ERC1: variants seen among roughly 807,000 people sequenced by gnomAD.
The protein encoded by ERC1 is ELKS/RAB6-interacting/CAST family member 1.
ERC1 carries 56 observed loss-of-function variants against 132.0 expected under a neutral mutation model. The ratio of observed to expected loss-of-function variants is 0.42; its 90% CI spans 0.34 to 0.53. The LOEUF (loss-of-function observed/expected upper bound fraction) is 0.53. ERC1 is among the 20% of genes least tolerant of loss of function. The pLI is 0.03. For missense variants in ERC1, 1,202 were observed against 1,349.9 expected, an observed-to-expected ratio of 0.89 and a Z score of 1.72; for synonymous variants, 478 against 476.1, an observed-to-expected ratio of 1.00 and a Z score of -0.05.
intron 2 of ERC1, among the ~76,000 whole-genome samples, chr12:1,082,402 C>T (rs1421698752): frequency 6.6e-6 from 1 of 151,514 alleles, no homozygotes; most frequent in Non-Finnish European, 1.5e-5. Context: ...GATCCGCCTG[C>T]CTCGGCCTCC....
intron 14 of ERC1, among the ~76,000 whole-genome samples, chr12:1,269,709 A>G (rs529738328): frequency 6.6e-6 from 1 of 152,228 alleles, no homozygotes; most frequent in Non-Finnish European, 1.5e-5. Flanking sequence ...CTGAAAGTGC[A>G]TGAACACTTT....
chr12:992,014 C>T (rs1959549451), intron 1 of ERC1, among the ~76,000 whole-genome samples: 1 of 152,020 alleles, frequency 6.6e-6, no homozygotes, highest in Admixed American at 6.6e-5. Context: ...AGAGAATCCC[C>T]TTACTTTGGC....
chr12:1,304,115 G>C (rs1039708287), intron 15 of ERC1, among the ~76,000 whole-genome samples: 1 of 152,104 alleles, frequency 6.6e-6, no homozygotes, highest in Admixed American at 6.5e-5. Flanking sequence ...AGTTGGGAGA[G>C]AGGTATTTGT....
intron 2 of ERC1, among the ~76,000 whole-genome samples, chr12:1,080,107 ATCT>A (rs1941968431): frequency 6.6e-6 from 1 of 152,242 alleles, no homozygotes; most frequent in South Asian, 2.1e-4. Context: ...TATGACCAAC[ATCT>A]TCTCTCCAAC....
chr12:1,178,727 G>A (rs1168940142), intron 8 of ERC1, among the ~76,000 whole-genome samples: 3 of 152,096 alleles, frequency 2.0e-5, no homozygotes, highest in African/African-American at 7.2e-5. Flanking sequence ...AGAGGAGATG[G>A]TGATTATATT....
chr12:1,286,252 C>G (rs528258197), intron 14 of ERC1, among the ~76,000 whole-genome samples: 1 of 146,366 alleles, frequency 6.8e-6, no homozygotes, highest in Non-Finnish European at 1.5e-5. Context: ...TGAGATCACT[C>G]CACTGCACTC....
chr12:1,066,742 CAGG>C (rs2154179130), intron 2 of ERC1, among the ~76,000 whole-genome samples: 1 of 148,958 alleles, frequency 6.7e-6, no homozygotes, highest in East Asian at 2.0e-4. Context: ...GAGGCTGAGG[CAGG>C]AGAATTGCTT....
At chr12:1,313,932 C>A (rs2081502702) in intron 15 of ERC1, among the ~76,000 whole-genome samples, 1 of 151,944 alleles carries the variant, frequency 6.6e-6, no homozygotes, top group East Asian at 1.9e-4. Flanking sequence ...TGCTGTGAGC[C>A]CAGATCACAC....
intron 11 of ERC1, among the ~76,000 whole-genome samples, chr12:1,183,932 G>A (rs749903445): frequency 8.6e-5 from 13 of 152,000 alleles, no homozygotes; most frequent in Admixed American, 5.9e-4. Context: ...TCAGGAGTTC[G>A]AGACCAGCTT....
chr12:1,468,667 G>A (rs1331105848), intron 18 of ERC1, among the ~76,000 whole-genome samples: 3 of 150,436 alleles, frequency 2.0e-5, no homozygotes, highest in Admixed American at 6.6e-5. Flanking sequence ...AGAAAAGAAA[G>A]GAAAGAAAGA....
At chr12:1,264,417 CT>C (rs1449771474) in intron 14 of ERC1, among the ~76,000 whole-genome samples, 1 of 152,174 alleles carries the variant, frequency 6.6e-6, no homozygotes, top group Non-Finnish European at 1.5e-5. Flanking sequence ...AATCCCAGCA[CT>C]TTGGGAGGCC....
chr12:1,259,134 T>TA lies in ERC1; in HGVS notation c.2488-3899dup, dbSNP rs2076986395. ...TTATATTATTTACACAAATAATACTTACATGTCTTAGAATAATAGTCACTT... is the reference window on the plus strand; with the variant it reads ...TTATATTATTTACACAAATAATACTTAACATGTCTTAGAATAATAGTCACTT... On this transcript the variant is annotated intron_variant, in intron 13 of 18. Coordinates refer to ENST00000360905, the MANE Select transcript of ERC1 (RefSeq NM_178040.4). 2.0e-5 allele frequency among the ~76,000 whole-genome samples: 3 copies of TA among 152,294 alleles called. No individual in the cohort carries two copies. In the South Asian group the frequency reaches 6.2e-4, roughly 32 times the overall value.
chr12:1,060,101 A>G (rs973199597), intron 2 of ERC1, among the ~76,000 whole-genome samples: 4 of 151,974 alleles, frequency 2.6e-5, no homozygotes, highest in African/African-American at 7.2e-5. Context: ...GGAGAGAAAA[A>G]GAGGTTTAAT....
intron 15 of ERC1, among the ~76,000 whole-genome samples, chr12:1,321,286 G>C (rs1432745913): frequency 6.6e-6 from 1 of 152,134 alleles, no homozygotes; most frequent in African/African-American, 2.4e-5. Context: ...ATGCAAAATT[G>C]TATGTGAAAT....
chr12:1,060,724 ATTT>A (rs35393938), intron 2 of ERC1, among the ~76,000 whole-genome samples: 21 of 109,112 alleles, frequency 1.9e-4, no homozygotes, highest in Admixed American at 2.9e-4. Flanking sequence ...AACGTGGGAA[ATTT>A]TTTTTTTTTT....
chr12:1,272,935 G>A (rs914680292), intron 14 of ERC1, among the ~76,000 whole-genome samples: 1 of 131,020 alleles, frequency 7.6e-6, no homozygotes, highest in Non-Finnish European at 1.6e-5. Context: ...GTGATAGAGT[G>A]AGACTCCGTC....
intron 15 of ERC1, among the ~76,000 whole-genome samples, chr12:1,309,445 G>T (rs1238223688): frequency 1.3e-5 from 2 of 152,154 alleles, no homozygotes; most frequent in Non-Finnish European, 2.9e-5. Context: ...TCTTAGTTTA[G>T]GAATAATTAT....
chr12:1,315,608 C>T (rs79636874), intron 15 of ERC1, among the ~76,000 whole-genome samples: 3,842 of 152,210 alleles, frequency 0.025, 74 homozygotes, highest in South Asian at 0.079. Flanking sequence ...TTTTGGAGGC[C>T]GAGGTGGGCG....
chr12:1,030,106 G>A (rs532357915), intron 2 of ERC1, among the ~76,000 whole-genome samples: 2 of 151,968 alleles, frequency 1.3e-5, no homozygotes, highest in Non-Finnish European at 1.5e-5. Flanking sequence ...TTCCCCCATG[G>A]CCCAAGTTGT....
Sources: allele counts gnomAD v4.1 joint callset (sites outside exome capture counted in the v4.1 genomes callset), GRCh38; gene constraint gnomAD v4.1.1; transcripts MANE v1.5; gene names NCBI Gene and HGNC (gene_info 2026-07-23, HGNC 2026-07-21).